The following TSNARE1 variants were observed in gnomAD, a reference collection of about 807,000 sequenced individuals.
TSNARE1 encodes t-SNARE domain-containing protein 1.
TSNARE1 carries 49 observed loss-of-function variants against 62.0 expected under a neutral mutation model. That is an observed-to-expected ratio of 0.79 (90% CI 0.63 to 1.00). TSNARE1 has a LOEUF of 1.00. Ranked by LOEUF, TSNARE1 falls within the 50% of genes least tolerant of loss-of-function variation. The probability of loss-of-function intolerance (pLI) is 0.00; values close to 1 mark genes in which losing one functional copy is unlikely to be tolerated. For synonymous variants in TSNARE1, 328 were observed against 294.4 expected, an observed-to-expected ratio of 1.11 and a Z score of -1.17; for missense variants, 755 against 700.1, an observed-to-expected ratio of 1.08 and a Z score of -0.88.
In TSNARE1 at chr8:142,220,198, C is replaced by T. The variant is rs965181774; in HGVS notation, c.*12-7885G>A. On this transcript the variant is annotated intron_variant, in intron 13 of 13. Coordinates refer to ENST00000524325, the MANE Select transcript of TSNARE1 (RefSeq NM_145003.5). ...GCTAGACACCGGGTGGGCTGCAGGC[C>T]TTCATCCCTAATGCTCAGTGGCCCT... Among the ~76,000 whole-genome samples, 5 of 152,142 alleles carry T rather than the reference C, an allele frequency of 3.3e-5. No individual in the cohort carries two copies. The South Asian group carries it at 8.3e-4, about 25-fold the overall frequency.
In TSNARE1 at chr8:142,315,066, A is replaced by C; in HGVS notation, c.1011T>G (p.Pro337=). ...GCTGGGTTTTCAGCCGGTCCAGCTG[A>C]GGACGCTCCTGCTGCAGACGCTCCT... The part of the protein sequence containing the change: ...CPQERLQQER[P]QLDRLKTQLS... The change falls in exon 8 of 14, where the codon CCT becomes CCG. Residue 337 remains proline (P), a synonymous_variant. Transcript: ENST00000524325. 1 of 1,614,144 alleles carries C rather than the reference A, an allele frequency of 6.2e-7. No individual in the cohort carries two copies. Among genetic ancestry groups the C allele is most frequent in the South Asian group, 1.1e-5 (1 of 91,088 alleles).
At chr8:142,376,081 G>A (rs541330694) in intron 1 of TSNARE1, among the ~76,000 whole-genome samples, 2 of 152,366 alleles carry the variant, frequency 1.3e-5, no homozygotes, top group East Asian at 3.9e-4. Context: ...ACTGCAGACT[G>A]CAGAGTCCGC....
intron 13 of TSNARE1, among the ~76,000 whole-genome samples, chr8:142,222,541 C>A (rs1563755394): frequency 2.6e-5 from 2 of 77,580 alleles, no homozygotes; most frequent in African/African-American, 5.8e-5. Flanking sequence ...CTCACTCACT[C>A]ATTCACTCAC....
At chr8:142,322,454 T>C (rs951391875) in intron 6 of TSNARE1, among the ~76,000 whole-genome samples, 5 of 152,178 alleles carry the variant, frequency 3.3e-5, no homozygotes, top group African/African-American at 1.2e-4. Flanking sequence ...AGCATAAAGA[T>C]TGAAAATGAA....
chr8:142,335,876 C>T (rs1831684020), intron 4 of TSNARE1, among the ~76,000 whole-genome samples: 1 of 152,212 alleles, frequency 6.6e-6, no homozygotes, highest in South Asian at 2.1e-4. Context: ...AAATGGCTGT[C>T]ACGATGAAGA....
intron 4 of TSNARE1, among the ~76,000 whole-genome samples, chr8:142,333,594 A>G (rs182362962): frequency 1.3e-5 from 2 of 152,128 alleles, no homozygotes; most frequent in African/African-American, 4.8e-5. Flanking sequence ...GGTTTCCACC[A>G]GGACAAGGCC....
chr8:142,275,847 C>T (rs1820391890), intron 11 of TSNARE1: 2 of 983,234 alleles, frequency 2.0e-6, no homozygotes, highest in Non-Finnish European at 2.4e-6. Flanking sequence ...CTGCCAGGCA[C>T]AGCCTGGCAC....
chr8:142,217,345 A>G (rs898788545), intron 13 of TSNARE1, among the ~76,000 whole-genome samples: 4 of 143,584 alleles, frequency 2.8e-5, no homozygotes, highest in African/African-American at 5.3e-5. Context: ...GAAAGAAAGA[A>G]AGAAAGAAAG....
chr8:142,248,329 G>A (rs1307109856), intron 12 of TSNARE1, among the ~76,000 whole-genome samples: 2 of 152,226 alleles, frequency 1.3e-5, no homozygotes, highest in African/African-American at 4.8e-5. Flanking sequence ...AGAGGGCTCT[G>A]AGAGCACCAA....
At chr8:142,273,847 G>A (rs966411743) in intron 12 of TSNARE1, 5 of 985,318 alleles carry the variant, frequency 5.1e-6, no homozygotes, top group Non-Finnish European at 6.0e-6. Flanking sequence ...GACCCTCTGC[G>A]GGCACAGCTG....
intron 10 of TSNARE1, among the ~76,000 whole-genome samples, chr8:142,285,355 G>C (rs1822533892): frequency 6.8e-6 from 1 of 146,696 alleles, no homozygotes; most frequent in African/African-American, 2.5e-5. Context: ...TGAGTAGATG[G>C]ATGGGTGGGT....
intron 5 of TSNARE1, among the ~76,000 whole-genome samples, chr8:142,331,196 C>T (rs888758296): frequency 6.6e-6 from 1 of 152,234 alleles, no homozygotes; most frequent in Non-Finnish European, 1.5e-5. Context: ...AACAGGTGCT[C>T]AGGCCCACAT....
intron 12 of TSNARE1, among the ~76,000 whole-genome samples, chr8:142,262,824 C>T (rs1186256969): frequency 9.2e-5 from 14 of 152,166 alleles, no homozygotes; most frequent in South Asian, 2.1e-4. Flanking sequence ...GAGCCAATCA[C>T]GCCTCTTTTC....
intron 12 of TSNARE1, among the ~76,000 whole-genome samples, chr8:142,241,256 C>T (rs762319073): frequency 1.3e-5 from 2 of 152,144 alleles, no homozygotes; most frequent in African/African-American, 2.4e-5. Context: ...GTCAAGAAAA[C>T]AACCCCATTT....
chr8:142,226,347 C>T (rs144810369), intron 13 of TSNARE1, among the ~76,000 whole-genome samples: 3 of 152,280 alleles, frequency 2.0e-5, no homozygotes, highest in Admixed American at 6.5e-5. Flanking sequence ...GTCACAGAGG[C>T]GACACTGGCA....
At chr8:142,253,726 C>T (rs180933921) in intron 12 of TSNARE1, among the ~76,000 whole-genome samples, 21 of 152,358 alleles carry the variant, frequency 1.4e-4, no homozygotes, top group African/African-American at 4.3e-4. Context: ...TCACTTCATC[C>T]CCAAGTGGCA....
At chr8:142,386,819 T>A (rs1358612330) in intron 1 of TSNARE1, among the ~76,000 whole-genome samples, 1 of 152,108 alleles carries the variant, frequency 6.6e-6, no homozygotes, top group African/African-American at 2.4e-5. Context: ...CAGCCAACAC[T>A]CACAGGAGCC....
At chr8:142,244,764 C>T (rs545751952) in intron 12 of TSNARE1, among the ~76,000 whole-genome samples, 25 of 152,310 alleles carry the variant, frequency 1.6e-4, no homozygotes, top group African/African-American at 4.6e-4. Flanking sequence ...GGGAGAGAGA[C>T]GCTTACCGCA....
chr8:142,234,787 G>A (rs1817322061), intron 12 of TSNARE1, among the ~76,000 whole-genome samples: 1 of 152,060 alleles, frequency 6.6e-6, no homozygotes, highest in African/African-American at 2.4e-5. Context: ...GAGAGGGGGA[G>A]ACGCCCAAGC....
Sources: allele counts gnomAD v4.1 joint callset (sites outside exome capture counted in the v4.1 genomes callset), GRCh38; gene constraint gnomAD v4.1.1; transcripts MANE v1.5; gene names NCBI Gene and HGNC (gene_info 2026-07-23, HGNC 2026-07-21).